CYP4F11: variants seen among roughly 807,000 people sequenced by gnomAD.
CYP4F11 encodes cytochrome P450 4F11.
A neutral mutation model predicts 62.2 loss-of-function variants in CYP4F11; 79 were observed. The ratio of observed to expected loss-of-function variants is 1.27; its 90% CI spans 1.06 to 1.53. The LOEUF is 1.53. Ranked by LOEUF, CYP4F11 falls within the 40% of genes most tolerant of loss-of-function variation. The pLI is 0.00. For synonymous variants in CYP4F11, 290 were observed against 263.7 expected (o/e 1.10, Z -0.97); for missense variants, 777 against 680.5 (o/e 1.14, Z -1.58).
At chr19:15,914,939 AC>A in intron 8 of CYP4F11, 44 bp from the exon 9 acceptor site, 1 of 1,601,112 alleles carries the variant, frequency 6.2e-7, no homozygotes, top group Non-Finnish European at 8.5e-7. Context: ...GGGAACAAAG[AC>A]ACAATTCTCC....
chr19:15,913,625 C>T lies in CYP4F11; in HGVS notation c.*107G>A, dbSNP rs893319446. The T allele has an allele frequency of 5.6e-6, 8 of 1,423,926 alleles. No individual in the cohort carries two copies. The highest frequency in any genetic ancestry group is 6.8e-6 in the Non-Finnish European group (7 of 1,035,394). The allele number at this position is 1,423,926 out of a possible 1,614,324, so 88.2% of individuals were successfully genotyped here. On this transcript the variant is annotated 3_prime_UTR_variant, in exon 12 of 12. Transcript: ENST00000402119. Reference sequence around the variant, plus strand: ...CCACTCACCTCCCTTTCTTAGATCCCACCAGTCCCCAGGAGCCCCATGCTG... The same window carrying T: ...CCACTCACCTCCCTTTCTTAGATCCTACCAGTCCCCAGGAGCCCCATGCTG...
chr19:15,934,012 A>C lies in CYP4F11; in HGVS notation c.198+199T>G, dbSNP rs796977089. On this transcript the variant is annotated intron_variant, in intron 1 of 11. Coordinates refer to ENST00000402119, the MANE Select transcript of CYP4F11 (RefSeq NM_021187.4). The stretch of plus-strand genomic sequence containing the variant: ...GAGGAATGAGTGAGTGGGCAGAGGA[A>C]TGAGTGAGTGGGCAGAGGAATGAGT... Among the ~76,000 whole-genome samples, 6 of 64,032 alleles carry C rather than the reference A, an allele frequency of 9.4e-5. No individual in the cohort carries two copies. In the South Asian group the frequency reaches 2.4e-3, roughly 25 times the overall value. The allele number at this position is 64,032 out of a possible 152,430, so 42.0% of individuals were successfully genotyped here.
In CYP4F11 at chr19:15,924,041, G is replaced by A. The variant is rs377257257; in HGVS notation, c.689C>T (p.Ala230Val). The A allele has an allele frequency of 2.5e-6, 4 of 1,614,006 alleles. No individual in the cohort carries two copies. The South Asian group carries it at 4.4e-5, about 18-fold the overall frequency. ...EYIAAILELS[A>V]FVEKRNQQIL... ...CTGCTGGTTTCTCTTTTCTACAAAG[G>A]CACTGAGCTCCAAGATGGCGGCAAT... Residue 230 changes from alanine to valine, a missense_variant, in exon 6 of 12, where the codon GCC becomes GTC. Coordinates refer to ENST00000402119, the MANE Select transcript of CYP4F11 (RefSeq NM_021187.4).
intron 5 of CYP4F11, 33 bp downstream of exon 5, chr19:15,924,728 G>T (rs774676968): frequency 5.3e-5 from 85 of 1,599,186 alleles, no homozygotes; most frequent in Non-Finnish European, 6.8e-5. Flanking sequence ...TGGGTTCCAG[G>T]CCCAAGTTCT....
At chr19:15,927,366 C>T in intron 3 of CYP4F11, 27 bp from the exon 4 acceptor site, 1 of 1,613,926 alleles carries the variant, frequency 6.2e-7, no homozygotes, top group Non-Finnish European at 8.5e-7. Flanking sequence ...GGACAGTGGT[C>T]AAGGGCAGCA....
Position 15,927,497 on chromosome 19 carries a change from G to A in CYP4F11, c.344-14C>T. ...GTGCGACAGCAGCTGACATGATTGAGGACCATCAGTGGCCATGGAGAGGGG... is the reference window on the plus strand; with the variant it reads ...GTGCGACAGCAGCTGACATGATTGAAGACCATCAGTGGCCATGGAGAGGGG... On this transcript the variant is annotated splice_polypyrimidine_tract_variant and intron_variant, in intron 2 of 11. Transcript: ENST00000402119. 1 of 1,613,056 alleles carries A rather than the reference G, an allele frequency of 6.2e-7. No homozygotes were observed. The highest frequency in any genetic ancestry group is 8.5e-7 in the Non-Finnish European group (1 of 1,179,188).
Position 15,913,860 on chromosome 19 carries a change from C to T in CYP4F11, c.1447G>A (p.Ala483Thr). The T allele has an allele frequency of 6.2e-7, 1 of 1,614,120 alleles. No individual in the cohort carries two copies. Among genetic ancestry groups the T allele is most frequent in the Non-Finnish European group, 8.5e-7 (1 of 1,180,006 alleles). The change falls in exon 12 of 12, where the codon GCG becomes ACG. Residue 483 changes from alanine (A) to threonine (T), a missense_variant. Physicochemically the swap from Ala to Thr is moderately conservative, Grantham distance 58. Transcript: ENST00000402119. ...ATGCGGAAGTGCAGCAGGGTGAGCG[C>T]CAGGACCACCTTCATCTCAGCCATG... ...FAMAEMKVVL[A>T]LTLLHFRILP... is the part of the protein sequence containing the mutation.
chr19:15,915,453 T>A (rs12978382), intron 8 of CYP4F11, among the ~76,000 whole-genome samples: 82,467 of 151,958 alleles, frequency 0.54, 22,942 homozygotes, highest in Non-Finnish European at 0.61. Context: ...TTTCTGTGGC[T>A]GTTTAAAATT....
At chr19:15,913,964 A>G (rs2072270) in intron 11 of CYP4F11, 55 bp from the exon 12 acceptor site, 856,663 of 1,559,146 alleles carry the variant, frequency 0.55, 238,601 homozygotes, top group Non-Finnish European at 0.57. Context: ...TCCCGGCCCC[A>G]TCATGCTTAG....
chr19:15,931,270 AAGC>A (rs2089713593), intron 1 of CYP4F11, among the ~76,000 whole-genome samples: 3 of 151,842 alleles, frequency 2.0e-5, no homozygotes, highest in African/African-American at 7.3e-5. Flanking sequence ...TCCTGTGAGA[AAGC>A]AGCAGCACAG....
intron 8 of CYP4F11, among the ~76,000 whole-genome samples, chr19:15,916,684 A>T (rs1235492976): frequency 6.6e-6 from 1 of 152,192 alleles, no homozygotes; most frequent in Non-Finnish European, 1.5e-5. Context: ...AATGCTCATC[A>T]CTAATCATCA....
rs762740891 is a variant in CYP4F11 at position 15,923,842 on chromosome 19, T to C, written c.888A>G (p.Leu296=). Residue 296 remains leucine (L), a synonymous_variant, in exon 6 of 12, where the codon TTA becomes TTG. Transcript: ENST00000402119. Reference sequence around the variant, plus strand: ...TCAGCAGAAGCACATCAATGAAGTCTAAAGTCTTGGACTTTGCCTTGTTCT... The same window carrying C: ...TCAGCAGAAGCACATCAATGAAGTCCAAAGTCTTGGACTTTGCCTTGTTCT... ...FLKNKAKSKT[L]DFIDVLLLSK... 1.5e-5 allele frequency: 25 copies of C among 1,614,194 alleles called. No homozygotes were observed. The highest frequency in any genetic ancestry group is 2.1e-5 in the Non-Finnish European group (25 of 1,180,024).
Position 15,913,336 on chromosome 19 carries a change from A to T in CYP4F11, c.*396T>A. 9.4e-6 allele frequency: 2 copies of T among 211,780 alleles called. 1 individual carries two copies. Among genetic ancestry groups the T allele is most frequent in the Non-Finnish European group, 1.9e-5 (2 of 103,452 alleles). 13.1% of individuals were successfully genotyped at this position (211,780 alleles called of 1,614,324 possible). On this transcript the variant is annotated 3_prime_UTR_variant, in exon 12 of 12. Coordinates refer to ENST00000402119, the MANE Select transcript of CYP4F11 (RefSeq NM_021187.4). ...CCCTTTGTTCTGAGCTGAGGACTCC[A>T]GTCTTGGGAGGACATTCCCAGGACA...
At chr19:15,923,681 A>G (rs1028068257) in intron 6 of CYP4F11, 131 bp downstream of exon 6, 6 of 1,288,148 alleles carry the variant, frequency 4.7e-6, no homozygotes, top group African/African-American at 3.0e-5. Flanking sequence ...TCTCAAACCT[A>G]TCTCTGACCT....
chr19:15,931,571 A>AGTG (rs1568257367), intron 1 of CYP4F11, among the ~76,000 whole-genome samples: 2 of 125,950 alleles, frequency 1.6e-5, no homozygotes, highest in African/African-American at 3.0e-5. Flanking sequence ...CGAGGAGAGG[A>AGTG]ATGAGTGAGC....
intron 1 of CYP4F11, 128 bp from the exon 2 acceptor site, chr19:15,929,729 G>T (rs189422549): frequency 1.3e-5 from 14 of 1,085,760 alleles, no homozygotes; most frequent in Non-Finnish European, 1.8e-5. Flanking sequence ...CATTATTTCT[G>T]GATGTGTCCA....
chr19:15,925,514 A>C (rs1469809066), intron 4 of CYP4F11, among the ~76,000 whole-genome samples: 1 of 151,864 alleles, frequency 6.6e-6, no homozygotes, highest in Non-Finnish European at 1.5e-5. Flanking sequence ...GGGTCCTGTC[A>C]GGGGTTTGGG....
At chr19:15,932,413 T>C (rs376051435) in intron 1 of CYP4F11, among the ~76,000 whole-genome samples, 7 of 90,450 alleles carry the variant, frequency 7.7e-5, no homozygotes, top group Admixed American at 4.1e-4. Flanking sequence ...AGGAGAGGAA[T>C]GAGTGAGCGA....
At chr19:15,926,180 C>A (rs1409158236) in intron 4 of CYP4F11, among the ~76,000 whole-genome samples, 1 of 150,534 alleles carries the variant, frequency 6.6e-6, no homozygotes, top group Non-Finnish European at 1.5e-5. Flanking sequence ...AAAAAGAAAG[C>A]AGATTCCCTA....
Sources: gnomAD v4.1 joint callset for allele counts (sites outside exome capture counted in the v4.1 genomes callset) on GRCh38, gnomAD v4.1.1 for gene constraint, MANE v1.5 for transcripts, NCBI Gene and HGNC (gene_info 2026-07-23, HGNC 2026-07-21) for gene names.